The following SMARCAD1 variants were observed in gnomAD, a reference collection of about 807,000 sequenced individuals.
SMARCAD1 encodes the protein SNF2 related chromatin remodeling ATPase with DExD box 1.
In SMARCAD1, 25 loss-of-function variants were observed where a neutral mutation model predicts 127.1. That is an observed-to-expected ratio of 0.20 (90% CI 0.14 to 0.27). The LOEUF (loss-of-function observed/expected upper bound fraction) is 0.27. SMARCAD1 is among the 10% of genes least tolerant of loss of function. The pLI is 1.00. For missense variants in SMARCAD1, 807 were observed against 1,206.0 expected (o/e 0.67, Z 4.90); for synonymous variants, 400 against 396.9 (o/e 1.01, Z -0.09).
intron 14 of SMARCAD1, among the ~76,000 whole-genome samples, chr4:94,275,732 G>A (rs147933685): frequency 0.011 from 1,701 of 150,832 alleles, 35 homozygotes; most frequent in African/African-American, 0.039. Flanking sequence ...TTACTTACAA[G>A]TTATACCCAA....
At position 94,277,165 on chromosome 4, in the gene SMARCAD1, C is replaced by T; in HGVS notation, c.2082+6C>T. On this transcript the variant is annotated splice_donor_region_variant and intron_variant, in intron 16 of 23. Transcript: ENST00000354268. ...GAATGTTTTCCTCTAAGACAGTAAG[C>T]ATAAATGCATATTTTCTCCCAAATA... 1 of 1,613,660 alleles carries T rather than the reference C, an allele frequency of 6.2e-7. No homozygotes were observed. The highest frequency in any genetic ancestry group is 8.5e-7 in the Non-Finnish European group (1 of 1,179,690).
At chr4:94,256,600 T>C (rs750227099) in intron 9 of SMARCAD1, among the ~76,000 whole-genome samples, 1 of 152,172 alleles carries the variant, frequency 6.6e-6, no homozygotes, top group Non-Finnish European at 1.5e-5. Flanking sequence ...TGACCTCAGG[T>C]GATCCACCTG....
chr4:94,279,199 C>T, intron 19 of SMARCAD1, 149 bp downstream of exon 19: 1 of 992,864 alleles, frequency 1.0e-6, no homozygotes, highest in Non-Finnish European at 1.5e-6. Context: ...GGTTCTGTTG[C>T]CAAGGCAGGC....
At chr4:94,243,402 TTGA>T (rs375909174) in intron 6 of SMARCAD1, among the ~76,000 whole-genome samples, 43 of 152,302 alleles carry the variant, frequency 2.8e-4, no homozygotes, top group African/African-American at 9.6e-4. Flanking sequence ...CCATTTCTAC[TTGA>T]TGATGGGTTG....
At chr4:94,288,637 A>AGGTGTAG (rs559273715) in intron 23 of SMARCAD1, among the ~76,000 whole-genome samples, 225 of 152,232 alleles carry the variant, frequency 1.5e-3, no homozygotes, top group African/African-American at 5.1e-3. Flanking sequence ...ATTATAGCTG[A>AGGTGTAG]GGTGTATATT....
intron 6 of SMARCAD1, among the ~76,000 whole-genome samples, chr4:94,247,854 C>A (rs544895177): frequency 6.6e-6 from 1 of 151,906 alleles, no homozygotes; most frequent in African/African-American, 2.4e-5. Context: ...CTTTTTTCAA[C>A]TTTATGTTAG....
At chr4:94,223,979 A>T (rs370120773) in intron 2 of SMARCAD1, among the ~76,000 whole-genome samples, 35 of 152,186 alleles carry the variant, frequency 2.3e-4, no homozygotes, top group African/African-American at 8.4e-4. Flanking sequence ...TACAGTAAAG[A>T]TCTAAATTTT....
chr4:94,250,732 G>C lies in SMARCAD1; in HGVS notation c.808-20G>C. On this transcript the variant is annotated intron_variant, in intron 7 of 23. Transcript: ENST00000354268. ...GCTAATTTGAGATTTTTAACAAAAA[G>C]ATAAATGACTTATTTCTAGGAACTT... is the stretch of plus-strand genomic sequence containing the variant. The C allele has an allele frequency of 1.4e-5, 22 of 1,550,834 alleles. No individual in the cohort carries two copies. Among genetic ancestry groups the C allele is most frequent in the Non-Finnish European group, 1.9e-5 (22 of 1,143,286 alleles).
At chr4:94,261,635 C>T (rs1259028326) in intron 9 of SMARCAD1, among the ~76,000 whole-genome samples, 2 of 152,128 alleles carry the variant, frequency 1.3e-5, no homozygotes, top group Non-Finnish European at 2.9e-5. Context: ...GTTTTTGAGA[C>T]GGGGTCTCAC....
At chr4:94,226,441 C>A (rs1347079035) in intron 3 of SMARCAD1, 145 bp downstream of exon 3, 40 of 529,466 alleles carry the variant, frequency 7.6e-5, no homozygotes, top group Non-Finnish European at 1.2e-4. Flanking sequence ...TTGGCCACAT[C>A]TTGGTTATTT....
chr4:94,215,026 T>C (rs1245747476), intron 2 of SMARCAD1, among the ~76,000 whole-genome samples: 1 of 152,160 alleles, frequency 6.6e-6, no homozygotes, highest in African/African-American at 2.4e-5. Flanking sequence ...CTGGCTTTGC[T>C]TAGTTTTCTG....
chr4:94,285,693 AAAT>A (rs1754837893), intron 23 of SMARCAD1, among the ~76,000 whole-genome samples: 1 of 152,204 alleles, frequency 6.6e-6, no homozygotes, highest in South Asian at 2.1e-4. Flanking sequence ...GCGTATGATC[AAAT>A]AATTACTAGT....
In SMARCAD1 at chr4:94,280,704, A is replaced by T; in HGVS notation, c.2531A>T (p.Gln844Leu). The T allele has an allele frequency of 6.2e-7, 1 of 1,613,806 alleles. No homozygotes were observed. Among genetic ancestry groups the T allele is most frequent in the Non-Finnish European group, 8.5e-7 (1 of 1,179,854 alleles). ...CAGTACCGACACATTAATAACTTTCAGTTAGACATGGACTTGATTTTAGAT... is the reference window on the plus strand; with the variant it reads ...CAGTACCGACACATTAATAACTTTCTGTTAGACATGGACTTGATTTTAGAT... ...CKQYRHINNF[Q>L]LDMDLILDSG... is the part of the protein sequence containing the mutation. The change falls in exon 20 of 24, where the codon CAG becomes CTG. Residue 844 changes from glutamine to leucine, a missense_variant. By Grantham distance (113) the Gln-to-Leu change is moderately radical. This residue lies in a region of SMARCAD1 where 99 missense variants were observed against 126.0 expected (regional missense o/e 0.79). Transcript: ENST00000354268.
intron 9 of SMARCAD1, among the ~76,000 whole-genome samples, chr4:94,261,485 T>C (rs894622958): frequency 6.6e-6 from 1 of 152,242 alleles, no homozygotes; most frequent in African/African-American, 2.4e-5. Context: ...TGAATAAAAT[T>C]ATACATTTAT....
intron 4 of SMARCAD1, among the ~76,000 whole-genome samples, chr4:94,236,309 T>A (rs558015986): frequency 1.8e-4 from 27 of 152,268 alleles, no homozygotes; most frequent in African/African-American, 6.5e-4. Context: ...TAGGGGATTT[T>A]AGTTTCTTCT....
At chr4:94,228,367 A>G (rs993852555) in intron 3 of SMARCAD1, among the ~76,000 whole-genome samples, 7 of 152,150 alleles carry the variant, frequency 4.6e-5, no homozygotes, top group Non-Finnish European at 5.9e-5. Flanking sequence ...ACTACTGAAC[A>G]CTTTGCCTGC....
At chr4:94,282,975 G>GATAT (rs527935474) in intron 21 of SMARCAD1, 146 bp from the exon 22 acceptor site, 5 of 669,670 alleles carry the variant, frequency 7.5e-6, no homozygotes, top group South Asian at 7.5e-5. Context: ...GCTCTTCAGT[G>GATAT]ATATAGCCAG....
chr4:94,225,849 G>A (rs1481877586), intron 2 of SMARCAD1, among the ~76,000 whole-genome samples: 1 of 152,128 alleles, frequency 6.6e-6, no homozygotes, highest in African/African-American at 2.4e-5. Context: ...CAAAGTAAAA[G>A]TACAAGAGGA....
At chr4:94,224,367 T>A (rs1744675522) in intron 2 of SMARCAD1, among the ~76,000 whole-genome samples, 1 of 152,224 alleles carries the variant, frequency 6.6e-6, no homozygotes, top group Non-Finnish European at 1.5e-5. Flanking sequence ...CTGAAGTTCT[T>A]GGGACCAGAA....
Sources: allele counts gnomAD v4.1 joint callset (sites outside exome capture counted in the v4.1 genomes callset), GRCh38; gene constraint gnomAD v4.1.1; regional missense constraint gnomAD v4.1.1; transcripts MANE v1.5; gene names NCBI Gene and HGNC (gene_info 2026-07-23, HGNC 2026-07-21).